INPP4B: variants seen among roughly 807,000 people sequenced by gnomAD.
The protein encoded by INPP4B is inositol polyphosphate-4-phosphatase type II B.
INPP4B carries 55 observed loss-of-function variants against 122.5 expected under a neutral mutation model. That is an observed-to-expected ratio of 0.45 (90% CI 0.36 to 0.56). INPP4B has a LOEUF of 0.56. INPP4B is among the 20% of genes least tolerant of loss of function. The probability of loss-of-function intolerance (pLI) is 0.00; values close to 1 mark genes in which losing one functional copy is unlikely to be tolerated. For missense variants in INPP4B, 1,000 were observed against 1,097.7 expected (o/e 0.91, Z 1.26); for synonymous variants, 403 against 388.7 (o/e 1.04, Z -0.43).
At chr4:142,675,677 G>A (rs1001141173) in intron 2 of INPP4B, among the ~76,000 whole-genome samples, 7 of 152,116 alleles carry the variant, frequency 4.6e-5, no homozygotes, top group African/African-American at 1.4e-4. Flanking sequence ...TCCCTGGGAC[G>A]CAAGTCTGGT....
chr4:142,584,535 T>C (rs1490836470), intron 2 of INPP4B, among the ~76,000 whole-genome samples: 1 of 152,168 alleles, frequency 6.6e-6, no homozygotes, highest in East Asian at 1.9e-4. Context: ...TGTCTCTCAA[T>C]TGAGATTTGT....
chr4:142,515,237 G>A lies in INPP4B; in HGVS notation c.-190-52511C>T, dbSNP rs80064532. 3.5e-3 allele frequency among the ~76,000 whole-genome samples: 528 copies of A among 152,256 alleles called. 5 individuals are homozygous for A. Among genetic ancestry groups the A allele is most frequent in the African/African-American group, 0.012 (499 of 41,564 alleles). On this transcript the variant is annotated intron_variant, in intron 2 of 25. Coordinates refer to ENST00000262992, the MANE Select transcript of INPP4B (RefSeq NM_001101669.3). ...GACTGTGTGTGGTCATCTAAGAAGG[G>A]CTATTCGTCAACTTTCACTCAGATG...
intron 7 of INPP4B, among the ~76,000 whole-genome samples, chr4:142,364,964 T>C (rs1786887335): frequency 6.6e-6 from 1 of 152,074 alleles, no homozygotes; most frequent in African/African-American, 2.4e-5. Context: ...AGAAAGAACA[T>C]ATTTAAAGGT....
At chr4:142,426,532 T>C (rs1010097788) in intron 5 of INPP4B, 8 of 151,864 alleles carry the variant, frequency 5.3e-5, no homozygotes, top group Non-Finnish European at 7.4e-5. Flanking sequence ...AGAAATACAG[T>C]TAACAATGGA....
chr4:142,251,149 TTC>T (rs1272342962), intron 11 of INPP4B, among the ~76,000 whole-genome samples: 5 of 152,178 alleles, frequency 3.3e-5, no homozygotes, highest in Middle Eastern at 3.2e-3. Flanking sequence ...AAAGTAATGT[TTC>T]TCTTTCTCCT....
chr4:142,696,773 G>A (rs962128251), intron 2 of INPP4B, among the ~76,000 whole-genome samples: 1 of 152,058 alleles, frequency 6.6e-6, no homozygotes, highest in Non-Finnish European at 1.5e-5. Flanking sequence ...TCAGTAAGAG[G>A]GCAAATTGGA....
intron 1 of INPP4B, among the ~76,000 whole-genome samples, chr4:142,745,389 A>G: frequency 6.6e-6 from 1 of 151,920 alleles, no homozygotes; most frequent in Admixed American, 6.6e-5. Context: ...GGGGTCAAAA[A>G]ACTATGTCCT....
chr4:142,601,531 A>G (rs1383444636), intron 2 of INPP4B, among the ~76,000 whole-genome samples: 1 of 151,314 alleles, frequency 6.6e-6, no homozygotes, highest in Non-Finnish European at 1.5e-5. Flanking sequence ...ACCAATACCT[A>G]CGGGACACAG....
Position 142,651,640 on chromosome 4 carries a change from G to C in INPP4B, c.-191+74199C>G, listed in dbSNP as rs531593905. The stretch of plus-strand genomic sequence containing the variant: ...ATCTAGAAGAAATGGATAAGTTCCT[G>C]GACACATACACCCTCCCAAGACTAA... On this transcript the variant is annotated intron_variant, in intron 2 of 25. Transcript: ENST00000262992. Among the ~76,000 whole-genome samples the C allele has an allele frequency of 2.5e-4, 38 of 152,192 alleles. 1 individual carries two copies. The highest frequency in any genetic ancestry group is 8.9e-4 in the African/African-American group (37 of 41,540).
chr4:142,079,602 T>C (rs1266278258), intron 25 of INPP4B, among the ~76,000 whole-genome samples: 2 of 152,104 alleles, frequency 1.3e-5, no homozygotes, highest in East Asian at 1.9e-4. Context: ...AAAATATCTA[T>C]AAGAAATTTC....
chr4:142,458,894 A>G (rs1193096173), intron 3 of INPP4B, among the ~76,000 whole-genome samples: 25 of 152,204 alleles, frequency 1.6e-4, no homozygotes, highest in Admixed American at 1.6e-3. Context: ...TAAGGCCACA[A>G]GGAAAGTGAT....
intron 24 of INPP4B, among the ~76,000 whole-genome samples, chr4:142,084,328 C>A (rs958587027): frequency 6.6e-6 from 1 of 151,954 alleles, no homozygotes; most frequent in Non-Finnish European, 1.5e-5. Context: ...TCACTGTTGG[C>A]CAGGATGGTC....
intron 7 of INPP4B, among the ~76,000 whole-genome samples, chr4:142,371,711 C>T (rs1262897901): frequency 6.6e-6 from 1 of 151,718 alleles, no homozygotes; most frequent in East Asian, 1.9e-4. Context: ...TAGAGAAATG[C>T]AAATCAAAAC....
At chr4:142,281,132 T>G (rs189944461) in intron 9 of INPP4B, among the ~76,000 whole-genome samples, 1 of 151,932 alleles carries the variant, frequency 6.6e-6, no homozygotes, top group East Asian at 1.9e-4. Flanking sequence ...ATTTTTAGTT[T>G]TGAGTAAGAG....
At chr4:142,428,670 A>G (rs1249888838) in intron 5 of INPP4B, among the ~76,000 whole-genome samples, 1 of 152,074 alleles carries the variant, frequency 6.6e-6, no homozygotes, top group East Asian at 1.9e-4. Context: ...AGTTGCTTAA[A>G]CAAGTCAAAG....
intron 17 of INPP4B, among the ~76,000 whole-genome samples, chr4:142,150,807 G>C (rs1579086115): frequency 1.3e-5 from 2 of 152,100 alleles, no homozygotes; most frequent in Admixed American, 1.3e-4. Context: ...TTGTGAGTTT[G>C]GTAGCATCAA....
chr4:142,521,011 A>C (rs1156322403), intron 2 of INPP4B, among the ~76,000 whole-genome samples: 1 of 151,926 alleles, frequency 6.6e-6, no homozygotes, highest in Non-Finnish European at 1.5e-5. Flanking sequence ...CCAAACCTAC[A>C]TTAAGTATGA....
intron 15 of INPP4B, among the ~76,000 whole-genome samples, chr4:142,177,566 G>A (rs756669803): frequency 2.6e-5 from 4 of 151,964 alleles, no homozygotes; most frequent in Non-Finnish European, 5.9e-5. Flanking sequence ...GCAAAGCACA[G>A]ATAATGAAAA....
chr4:142,279,989 C>T lies in INPP4B; in HGVS notation c.504-9215G>A, dbSNP rs182915967. On this transcript the variant is annotated intron_variant, in intron 9 of 25. Transcript: ENST00000262992. ...AAGGATATATGGATGGCAAATAGCA[C>T]ATCCAAAGATGTTGAACATTATTGG... is the stretch of plus-strand genomic sequence containing the variant. Among the ~76,000 whole-genome samples the T allele has an allele frequency of 3.3e-5, 5 of 152,024 alleles. No homozygotes were observed. The East Asian group carries it at 7.7e-4, about 23-fold the overall frequency.
Sources: allele counts gnomAD v4.1 joint callset (sites outside exome capture counted in the v4.1 genomes callset), GRCh38; gene constraint gnomAD v4.1.1; transcripts MANE v1.5; gene names NCBI Gene and HGNC (gene_info 2026-07-23, HGNC 2026-07-21).